Variants in UBE2U observed in about 807,000 individuals in gnomAD.
The protein encoded by UBE2U is ubiquitin-conjugating enzyme E2 U.
Under a neutral mutation model 41.2 loss-of-function variants are expected in UBE2U, and 39 were observed. The observed-to-expected ratio is 0.95, with a 90% CI of 0.73 to 1.24. The LOEUF (loss-of-function observed/expected upper bound fraction) is 1.24, where lower values mean the gene tolerates loss of function less well. Ranked by LOEUF, UBE2U falls within the 50% of genes most tolerant of loss-of-function variation. The probability of loss-of-function intolerance (pLI) is 0.00; values close to 1 mark genes in which losing one functional copy is unlikely to be tolerated. For missense variants in UBE2U, 336 were observed against 363.1 expected (o/e 0.93, Z 0.61); for synonymous variants, 107 against 117.8 (o/e 0.91, Z 0.60).
chr1:64,260,729 AAATAACATATTATGCAT>A (rs1358393409), intron 9 of UBE2U, 35 bp downstream of exon 9: 69 of 1,513,752 alleles, frequency 4.6e-5, no homozygotes, highest in Non-Finnish European at 5.6e-5. Flanking sequence ...TTGCTTTTAT[AAATAACATATTATGCAT>A]AATATGCATA....
chr1:64,205,554 T>C, intron 1 of UBE2U, 85 bp from the exon 2 acceptor site: 1 of 1,073,362 alleles, frequency 9.3e-7, no homozygotes, highest in Non-Finnish European at 1.4e-6. Flanking sequence ...TTTTTAGAAT[T>C]CAGTGTGACC....
chr1:64,218,917 G>A (rs1306812579), intron 5 of UBE2U, among the ~76,000 whole-genome samples: 3 of 152,128 alleles, frequency 2.0e-5, no homozygotes, highest in Non-Finnish European at 4.4e-5. Flanking sequence ...AGTCTGTTTT[G>A]TTTTGGGAGC....
chr1:64,212,063 T>A (rs1651698175), intron 4 of UBE2U, among the ~76,000 whole-genome samples: 2 of 152,192 alleles, frequency 1.3e-5, no homozygotes, highest in African/African-American at 4.8e-5. Flanking sequence ...TAAAATATAA[T>A]CTTTAGGAAA....
intron 6 of UBE2U, among the ~76,000 whole-genome samples, chr1:64,231,563 T>C (rs980353524): frequency 6.6e-6 from 1 of 152,236 alleles, no homozygotes; most frequent in Admixed American, 6.5e-5. Flanking sequence ...ATTGTAAAAG[T>C]AACAACACTT....
At chr1:64,250,993 A>G (rs371827430) in intron 8 of UBE2U, among the ~76,000 whole-genome samples, 317 of 152,038 alleles carry the variant, frequency 2.1e-3, no homozygotes, top group Non-Finnish European at 3.1e-3. Flanking sequence ...CAGCACACCA[A>G]CATGGCACAT....
rs1557731575 is a variant in UBE2U, at chr1:64,239,185, A to AAGAAGAAGG, written c.596-2460_596-2459insGGAGAAGAA. Among the ~76,000 whole-genome samples, 22 of 145,798 alleles carry AAGAAGAAGG rather than the reference A, an allele frequency of 1.5e-4. 1 individual carries two copies. The highest frequency in any genetic ancestry group is 2.7e-4 in the Non-Finnish European group (18 of 66,268). On this transcript the variant is annotated intron_variant, in intron 7 of 9. Transcript: ENST00000371077. ...GAAGAAGAAGAAGAAGAAGAAGAAG[A>AAGAAGAAGG]AGAAGAAAGCCCCAGACAAGGACAA...
chr1:64,220,241 G>GGA (rs3074174), intron 5 of UBE2U, among the ~76,000 whole-genome samples: 2,228 of 149,076 alleles, frequency 0.015, 62 homozygotes, highest in African/African-American at 0.047. Flanking sequence ...CCAGGCTTGT[G>GGA]GAGAGAGAGA....
chr1:64,244,078 C>T (rs372094272), intron 8 of UBE2U: 13 of 1,293,122 alleles, frequency 1.0e-5, no homozygotes, highest in African/African-American at 1.5e-5. Context: ...TCATAAAGTT[C>T]GCTATTATTC....
At chr1:64,213,019 C>T (rs1001682658) in intron 4 of UBE2U, among the ~76,000 whole-genome samples, 6 of 152,092 alleles carry the variant, frequency 3.9e-5, no homozygotes, top group South Asian at 2.1e-4. Flanking sequence ...AAATCACTGA[C>T]AATTATAAAG....
intron 8 of UBE2U, chr1:64,244,364 A>G (rs988892329): frequency 1.4e-6 from 1 of 712,358 alleles, no homozygotes; most frequent in Admixed American, 5.9e-5. Context: ...TATCTGTTAC[A>G]TATATAAAAT....
intron 8 of UBE2U, among the ~76,000 whole-genome samples, chr1:64,246,411 C>G (rs993004348): frequency 1.3e-5 from 2 of 152,050 alleles, no homozygotes; most frequent in Non-Finnish European, 2.9e-5. Context: ...TTCGTGTTGT[C>G]CTTTCAGGGT....
chr1:64,217,035 A>G (rs1018225535), intron 5 of UBE2U, among the ~76,000 whole-genome samples: 2 of 152,212 alleles, frequency 1.3e-5, no homozygotes, highest in Admixed American at 1.3e-4. Context: ...CTTTCCTAAA[A>G]GCAAATGACT....
At chr1:64,206,351 A>G (rs1651294561) in intron 2 of UBE2U, among the ~76,000 whole-genome samples, 1 of 152,072 alleles carries the variant, frequency 6.6e-6, no homozygotes, top group Non-Finnish European at 1.5e-5. Flanking sequence ...ATGTCTTCCC[A>G]AGGAGATCAC....
intron 7 of UBE2U, among the ~76,000 whole-genome samples, chr1:64,241,229 T>C (rs781337421): frequency 3.9e-5 from 6 of 152,146 alleles, no homozygotes; most frequent in Non-Finnish European, 8.8e-5. Flanking sequence ...GAATCTCTTC[T>C]TTTGAAAAAA....
At chr1:64,214,726 GC>G in intron 4 of UBE2U, 88 bp from the exon 5 acceptor site, 1 of 910,206 alleles carries the variant, frequency 1.1e-6, no homozygotes, top group South Asian at 1.4e-5. Context: ...TTTAATACAT[GC>G]TTATTGAAAG....
Position 64,203,981 on chromosome 1 carries a change from A to G in UBE2U, c.-70A>G. The G allele has an allele frequency of 1.4e-6, 2 of 1,454,342 alleles. No individual in the cohort carries two copies. Among genetic ancestry groups the G allele is most frequent in the Non-Finnish European group, 1.9e-6 (2 of 1,047,976 alleles). The allele number at this position is 1,454,342 out of a possible 1,614,324, so 90.1% of individuals were successfully genotyped here. ...ACTAAGTGTGGGAAAGTGACCCATA[A>G]CTTCAAACATCTGCCTCAGAGTAAA... On this transcript the variant is annotated 5_prime_UTR_variant, in exon 1 of 10. Transcript: ENST00000371077.
At chr1:64,250,349 C>T (rs1644986296) in intron 8 of UBE2U, among the ~76,000 whole-genome samples, 1 of 152,140 alleles carries the variant, frequency 6.6e-6, no homozygotes, top group Non-Finnish European at 1.5e-5. Flanking sequence ...AAAGCCTTCA[C>T]ACAAAGACAA....
intron 8 of UBE2U, among the ~76,000 whole-genome samples, chr1:64,256,485 C>T (rs927702146): frequency 1.3e-5 from 2 of 151,912 alleles, no homozygotes; most frequent in Non-Finnish European, 2.9e-5. Flanking sequence ...ACTGTCTGAT[C>T]TTCAACAAAC....
intron 8 of UBE2U, among the ~76,000 whole-genome samples, chr1:64,242,550 G>C (rs570748834): frequency 6.6e-6 from 1 of 152,114 alleles, no homozygotes; most frequent in Admixed American, 6.6e-5. Context: ...TAAAGATAAC[G>C]TGCTGTATTT....
Sources: gnomAD v4.1 joint callset for allele counts (sites outside exome capture counted in the v4.1 genomes callset) on GRCh38, gnomAD v4.1.1 for gene constraint, MANE v1.5 for transcripts, NCBI Gene and HGNC (gene_info 2026-07-23, HGNC 2026-07-21) for gene names.